The following GRIA2 variants were observed in gnomAD, a reference collection of about 807,000 sequenced individuals.
GRIA2 encodes glutamate receptor 2.
Under a neutral mutation model 97.3 loss-of-function variants are expected in GRIA2, and 14 were observed. The observed-to-expected ratio is 0.14, with a 90% CI of 0.10 to 0.23. The LOEUF is 0.23. Ranked by LOEUF, GRIA2 falls within the 10% of genes least tolerant of loss-of-function variation. GRIA2 has a pLI of 1.00. For missense variants in GRIA2, 558 were observed against 1,069.8 expected (o/e 0.52, Z 6.67); for synonymous variants, 412 against 387.8 (o/e 1.06, Z -0.73).
intron 9 of GRIA2, chr4:157,335,249 A>G: frequency 5.0e-6 from 1 of 200,758 alleles, no homozygotes; most frequent in South Asian, 9.2e-5. Context: ...TCTTTGGGAC[A>G]GCAGTGACAC....
At chr4:157,358,802 A>G (rs10012124) in intron 12 of GRIA2, among the ~76,000 whole-genome samples, 28,794 of 152,136 alleles carry the variant, frequency 0.19, 4,403 homozygotes, top group African/African-American at 0.43. Flanking sequence ...AAGCTACCTG[A>G]ATCCTCAGAG....
At chr4:157,329,195 C>T (rs1033589322) in intron 6 of GRIA2, among the ~76,000 whole-genome samples, 1 of 151,766 alleles carries the variant, frequency 6.6e-6, no homozygotes, top group African/African-American at 2.4e-5. Flanking sequence ...TTAAAAAAAA[C>T]TTTCTTAAAA....
At chr4:157,242,558 A>G (rs557334320) in intron 2 of GRIA2, among the ~76,000 whole-genome samples, 7 of 151,982 alleles carry the variant, frequency 4.6e-5, no homozygotes, top group African/African-American at 7.2e-5. Flanking sequence ...CAAATCTCAT[A>G]TAACCATTCA....
intron 12 of GRIA2, among the ~76,000 whole-genome samples, chr4:157,343,949 GA>G (rs1735659327): frequency 6.6e-6 from 1 of 151,916 alleles, no homozygotes; most frequent in African/African-American, 2.4e-5. Flanking sequence ...TAATAGTAAG[GA>G]AAATATTATT....
At chr4:157,345,344 T>A (rs570294649) in intron 12 of GRIA2, among the ~76,000 whole-genome samples, 1 of 152,140 alleles carries the variant, frequency 6.6e-6, no homozygotes, top group African/African-American at 2.4e-5. Flanking sequence ...TTCTGCAGTT[T>A]TCTGTTTATG....
At chr4:157,263,568 T>TTTTTTTCTTTTGGCTTAGGATTG (rs1561017067) in intron 2 of GRIA2, among the ~76,000 whole-genome samples, 1 of 152,138 alleles carries the variant, frequency 6.6e-6, no homozygotes, top group Admixed American at 6.6e-5. Context: ...AGGGTTTTGC[T>TTTTTTTCTTTTGGCTTAGGATTG]ACTTCTGAAG....
chr4:157,236,140 C>T (rs1020046038), intron 2 of GRIA2, among the ~76,000 whole-genome samples: 2 of 151,904 alleles, frequency 1.3e-5, no homozygotes, highest in African/African-American at 4.8e-5. Flanking sequence ...CTTACAATAG[C>T]ATTTTGGTAC....
chr4:157,268,645 T>C (rs1478803698), intron 2 of GRIA2, among the ~76,000 whole-genome samples: 3 of 152,012 alleles, frequency 2.0e-5, no homozygotes, highest in African/African-American at 7.2e-5. Context: ...GGTAGTATAC[T>C]CCAAAAAATT....
intron 11 of GRIA2, among the ~76,000 whole-genome samples, chr4:157,338,419 A>G (rs1299671693): frequency 6.6e-6 from 1 of 152,012 alleles, no homozygotes; most frequent in Non-Finnish European, 1.5e-5. Context: ...ATGGCACTGC[A>G]GGTAGTTGTT....
At chr4:157,348,150 A>T (rs1447344734) in intron 12 of GRIA2, among the ~76,000 whole-genome samples, 1 of 152,068 alleles carries the variant, frequency 6.6e-6, no homozygotes, top group African/African-American at 2.4e-5. Flanking sequence ...AAAGTAATTT[A>T]TATTTTGCAT....
chr4:157,304,952 C>T (rs1478468479), intron 3 of GRIA2, among the ~76,000 whole-genome samples: 1 of 152,032 alleles, frequency 6.6e-6, no homozygotes, highest in Non-Finnish European at 1.5e-5. Flanking sequence ...CAGCACTATA[C>T]AAGCTGAAAA....
intron 2 of GRIA2, among the ~76,000 whole-genome samples, chr4:157,258,263 A>G (rs984228118): frequency 6.6e-6 from 1 of 152,100 alleles, no homozygotes; most frequent in Non-Finnish European, 1.5e-5. Flanking sequence ...TTTCAAAAGC[A>G]AATAGGAGAA....
intron 7 of GRIA2, 49 bp downstream of exon 7, chr4:157,333,035 G>A: frequency 3.6e-6 from 5 of 1,397,476 alleles, no homozygotes; most frequent in Non-Finnish European, 4.9e-6. Context: ...GGCCATTAAT[G>A]TTTTCTTCCT....
intron 12 of GRIA2, among the ~76,000 whole-genome samples, chr4:157,345,060 G>A (rs543292287): frequency 7.2e-5 from 11 of 151,874 alleles, no homozygotes; most frequent in African/African-American, 1.9e-4. Context: ...TTTTCTTTCC[G>A]TTAAAGTCTA....
In GRIA2 at chr4:157,362,846, C is replaced by T. The variant is rs1203182680; in HGVS notation, c.2454C>T (p.Tyr818=). The T allele has an allele frequency of 6.2e-7, 1 of 1,613,204 alleles. No individual in the cohort carries two copies. Among genetic ancestry groups the T allele is most frequent in the East Asian group, 2.2e-5 (1 of 44,854 alleles). Residue 818 remains tyrosine, a synonymous_variant, in exon 15 of 16, where the codon TAC becomes TAT. Coordinates refer to ENST00000264426, the MANE Select transcript of GRIA2 (RefSeq NM_001083619.3). ...TGAGCAACGTTGCTGGAGTATTCTA[C>T]ATCCTTGTCGGGGGCCTTGGTTTGG... ...LSLSNVAGVF[Y]ILVGGLGLAM...
rs1199470654 is a variant in GRIA2, at chr4:157,272,578, C to T, written c.230-30974C>T. Among the ~76,000 whole-genome samples, 3 of 152,074 alleles carry T rather than the reference C, an allele frequency of 2.0e-5. No homozygotes were observed. In the East Asian group the frequency reaches 5.8e-4, roughly 29 times the overall value. On this transcript the variant is annotated intron_variant, in intron 2 of 15. Transcript: ENST00000264426. ...CCTTCATCACTTTAATGTGTTTCAC[C>T]TTCTAGAGTTCTACCAGATTCTCAC...
At chr4:157,339,125 G>A (rs1223529910) in intron 11 of GRIA2, among the ~76,000 whole-genome samples, 1 of 151,926 alleles carries the variant, frequency 6.6e-6, no homozygotes, top group Non-Finnish European at 1.5e-5. Flanking sequence ...ATGGTCTCAT[G>A]AAGAATAGAA....
At chr4:157,303,511 A>G (rs1220950474) in intron 2 of GRIA2, 41 bp from the exon 3 acceptor site, 4 of 1,588,286 alleles carry the variant, frequency 2.5e-6, no homozygotes, top group African/African-American at 1.3e-5. Flanking sequence ...TTGTGTGCCA[A>G]TTTCAATGAT....
rs1731772152 is a variant in GRIA2, at chr4:157,266,415, C to T, written c.230-37137C>T. On this transcript the variant is annotated intron_variant, in intron 2 of 15. Coordinates refer to ENST00000264426, the MANE Select transcript of GRIA2 (RefSeq NM_001083619.3). ...AAAATCAAAGGTAACTGAGAAAGAG[C>T]ATCCAGGAAAGTAGGAAAACAATGC... Among the ~76,000 whole-genome samples, 5 of 152,004 alleles carry T rather than the reference C, an allele frequency of 3.3e-5. No individual in the cohort carries two copies. In the South Asian group the frequency reaches 1.0e-3, roughly 32 times the overall value.
Sources: allele counts gnomAD v4.1 joint callset (sites outside exome capture counted in the v4.1 genomes callset), GRCh38; gene constraint gnomAD v4.1.1; transcripts MANE v1.5; gene names NCBI Gene and HGNC (gene_info 2026-07-23, HGNC 2026-07-21).